COL19A1: variants seen among roughly 807,000 people sequenced by gnomAD.
The protein encoded by COL19A1 is collagen type XIX alpha 1 chain, also known as collagen alpha-1(XIX) chain.
A neutral mutation model predicts 190.2 loss-of-function variants in COL19A1; 159 were observed. The ratio of observed to expected loss-of-function variants is 0.84; its 90% CI spans 0.73 to 0.95. The LOEUF (loss-of-function observed/expected upper bound fraction) is 0.95, where lower values mean the gene tolerates loss of function less well. COL19A1 is among the 40% of genes least tolerant of loss of function. COL19A1 has a pLI of 0.00. For synonymous variants in COL19A1, 509 were observed against 458.9 expected, an observed-to-expected ratio of 1.11 and a Z score of -1.39; for missense variants, 1,418 against 1,431.9, an observed-to-expected ratio of 0.99 and a Z score of 0.16.
intron 16 of COL19A1, among the ~76,000 whole-genome samples, chr6:70,110,565 A>T (rs1784228481): frequency 6.6e-6 from 1 of 152,194 alleles, no homozygotes; most frequent in East Asian, 1.9e-4. Context: ...CAGACAAAAC[A>T]GCTGTTCCCA....
chr6:70,105,143 A>G (rs2150191644), intron 16 of COL19A1, among the ~76,000 whole-genome samples: 1 of 152,318 alleles, frequency 6.6e-6, no homozygotes, highest in East Asian at 1.9e-4. Context: ...AACTTTTTAA[A>G]TATAATAAAA....
chr6:69,943,569 G>C (rs895304299), intron 9 of COL19A1, among the ~76,000 whole-genome samples: 4 of 151,936 alleles, frequency 2.6e-5, no homozygotes, highest in Non-Finnish European at 4.4e-5. Context: ...AATCCATTTT[G>C]GGTTGATTTT....
intron 48 of COL19A1, among the ~76,000 whole-genome samples, chr6:70,197,672 C>T (rs17690160): frequency 0.033 from 5,092 of 152,212 alleles, 113 homozygotes; most frequent in Middle Eastern, 0.051. Flanking sequence ...AACCACACAT[C>T]CCAGGTAGAT....
At chr6:69,978,935 C>T (rs1441985364) in intron 11 of COL19A1, among the ~76,000 whole-genome samples, 1 of 151,584 alleles carries the variant, frequency 6.6e-6, no homozygotes, top group Non-Finnish European at 1.5e-5. Context: ...AATTCTGAGA[C>T]TATTGTTATA....
chr6:70,018,836 G>T (rs943890487), intron 11 of COL19A1, among the ~76,000 whole-genome samples: 9 of 152,154 alleles, frequency 5.9e-5, no homozygotes, highest in Non-Finnish European at 1.2e-4. Flanking sequence ...AGAACAGAAA[G>T]CTGACACATT....
At chr6:70,166,251 T>A (rs1255522752) in intron 37 of COL19A1, among the ~76,000 whole-genome samples, 1 of 152,148 alleles carries the variant, frequency 6.6e-6, no homozygotes, top group Non-Finnish European at 1.5e-5. Flanking sequence ...ACTCTCCACT[T>A]CCTGGCTCGG....
At chr6:70,101,806 A>G (rs567556453) in intron 15 of COL19A1, among the ~76,000 whole-genome samples, 1 of 152,310 alleles carries the variant, frequency 6.6e-6, no homozygotes, top group East Asian at 1.9e-4. Context: ...GACAACACCA[A>G]CATAAGATGA....
rs1780998349 is a variant in COL19A1, at chr6:70,063,804, G to A, written c.1171-4619G>A. Among the ~76,000 whole-genome samples the A allele has an allele frequency of 3.9e-5, 6 of 152,240 alleles. No individual in the cohort carries two copies. In the South Asian group the frequency reaches 6.2e-4, roughly 16 times the overall value. On this transcript the variant is annotated intron_variant, in intron 14 of 50. Coordinates refer to ENST00000620364, the MANE Select transcript of COL19A1 (RefSeq NM_001858.6). ...AAATGATAAAGGGGATATCACCACT[G>A]ATCCCACAGAAATACAAACTACCAT...
intron 12 of COL19A1, among the ~76,000 whole-genome samples, chr6:70,025,479 GAAAAAC>G (rs763435242): frequency 1.3e-5 from 2 of 152,228 alleles, no homozygotes; most frequent in Non-Finnish European, 2.9e-5. Context: ...GGCACAGTGA[GAAAAAC>G]AAAACAGGAA....
chr6:69,946,181 T>C (rs1266505665), intron 9 of COL19A1, among the ~76,000 whole-genome samples: 1 of 151,956 alleles, frequency 6.6e-6, no homozygotes, highest in Non-Finnish European at 1.5e-5. Context: ...TTTAAACTCA[T>C]TTATCATATT....
chr6:70,183,864 C>G (rs774309670), intron 44 of COL19A1, among the ~76,000 whole-genome samples: 1 of 152,174 alleles, frequency 6.6e-6, no homozygotes, highest in Non-Finnish European at 1.5e-5. Flanking sequence ...AAATCATATT[C>G]CTCACCTTGA....
chr6:69,959,496 G>C lies in COL19A1; in HGVS notation c.937-500G>C, dbSNP rs549505736. Reference sequence around the variant, plus strand: ...GTGTAGGAAGGCAGCTAGGTATGCAGAGTTGAAGTGTTTGGGCTCAAATTC... The same window carrying C: ...GTGTAGGAAGGCAGCTAGGTATGCACAGTTGAAGTGTTTGGGCTCAAATTC... On this transcript the variant is annotated intron_variant, in intron 9 of 50. Transcript: ENST00000620364. Among the ~76,000 whole-genome samples the C allele has an allele frequency of 4.6e-5, 7 of 152,280 alleles. No homozygotes were observed. In the South Asian group the frequency reaches 1.4e-3, roughly 32 times the overall value.
chr6:70,157,251 G>A (rs1377323063), intron 34 of COL19A1, among the ~76,000 whole-genome samples: 1 of 152,020 alleles, frequency 6.6e-6, no homozygotes, highest in African/African-American at 2.4e-5. Flanking sequence ...TCTTGTTCTA[G>A]TTTACATCAG....
intron 2 of COL19A1, among the ~76,000 whole-genome samples, chr6:69,894,358 G>C (rs1481639502): frequency 2.0e-5 from 3 of 152,188 alleles, no homozygotes; most frequent in Admixed American, 6.5e-5. Flanking sequence ...TGTGAAGCCA[G>C]CAAGTCAAAT....
chr6:70,182,642 T>C (rs934333107), intron 44 of COL19A1, among the ~76,000 whole-genome samples: 9 of 152,260 alleles, frequency 5.9e-5, no homozygotes, highest in Admixed American at 3.9e-4. Context: ...GTTTCCTTGA[T>C]GTCAAGTGAA....
At chr6:70,034,354 A>G (rs1779231621) in intron 13 of COL19A1, 56 bp downstream of exon 13, 1 of 1,302,982 alleles carries the variant, frequency 7.7e-7, no homozygotes, top group African/African-American at 1.5e-5. Flanking sequence ...CTGACAACCT[A>G]TGCAGTGACT....
chr6:69,921,429 T>TATATATCATATATATC (rs1561998172), intron 4 of COL19A1, among the ~76,000 whole-genome samples: 3 of 120,360 alleles, frequency 2.5e-5, no homozygotes, highest in Admixed American at 8.8e-5. Flanking sequence ...ATATATATCA[T>TATATATCATATATATC]ATATATCATA....
chr6:70,138,672 C>T (rs1013909449), intron 19 of COL19A1, among the ~76,000 whole-genome samples: 2 of 152,064 alleles, frequency 1.3e-5, no homozygotes, highest in Non-Finnish European at 2.9e-5. Flanking sequence ...CAAATTTTCC[C>T]TATGCTTCAG....
intron 15 of COL19A1, among the ~76,000 whole-genome samples, chr6:70,071,274 C>T (rs112080417): frequency 6.6e-6 from 1 of 152,046 alleles, no homozygotes; most frequent in African/African-American, 2.4e-5. Flanking sequence ...TTCTTTTTCT[C>T]TAACTCTTTG....
Sources: gnomAD v4.1 joint callset for allele counts (sites outside exome capture counted in the v4.1 genomes callset) on GRCh38, gnomAD v4.1.1 for gene constraint, MANE v1.5 for transcripts, NCBI Gene and HGNC (gene_info 2026-07-23, HGNC 2026-07-21) for gene names.